The following PDE11A variants were observed in gnomAD, a reference collection of about 807,000 sequenced individuals.
PDE11A encodes the protein dual 3',5'-cyclic-AMP and -GMP phosphodiesterase 11A.
A neutral mutation model predicts 100.5 loss-of-function variants in PDE11A; 100 were observed. The observed-to-expected ratio is 1.00, with a 90% confidence interval of 0.85 to 1.18. The LOEUF (loss-of-function observed/expected upper bound fraction) is 1.18. Among genes scored for constraint, PDE11A ranks in the 50% most tolerant of loss-of-function variants. The pLI is 0.00. For synonymous variants in PDE11A, 381 were observed against 420.8 expected (o/e 0.91, Z 1.16); for missense variants, 1,141 against 1,152.6 (o/e 0.99, Z 0.15).
chr2:177,737,294 A>T (rs565114525), intron 10 of PDE11A, among the ~76,000 whole-genome samples: 33 of 151,384 alleles, frequency 2.2e-4, no homozygotes, highest in African/African-American at 7.3e-4. Flanking sequence ...AAATCACATT[A>T]TTGGCTGGGT....
Position 177,907,542 on chromosome 2 carries a change from G to T in PDE11A, c.1072-2355C>A, listed in dbSNP as rs576993659. ...ACCATTAATCCCAGTTTGCAGATTA[G>T]AAAACTGAGGCTTTAAGAACTTACC... is the stretch of plus-strand genomic sequence containing the variant. On this transcript the variant is annotated intron_variant, in intron 2 of 19. Transcript: ENST00000286063. 5.9e-5 allele frequency among the ~76,000 whole-genome samples: 9 copies of T among 152,298 alleles called. No homozygotes were observed. In the South Asian group the frequency reaches 1.7e-3, roughly 28 times the overall value.
chr2:177,893,463 T>C (rs527627385), intron 4 of PDE11A, among the ~76,000 whole-genome samples: 14 of 152,254 alleles, frequency 9.2e-5, no homozygotes, highest in African/African-American at 2.9e-4. Context: ...AAAGCCCGTT[T>C]TGGAACCTAA....
intron 19 of PDE11A, among the ~76,000 whole-genome samples, chr2:177,648,496 C>T (rs976706489): frequency 5.3e-5 from 8 of 152,030 alleles, no homozygotes; most frequent in African/African-American, 9.7e-5. Context: ...ATTTAACTCT[C>T]GAACATTCAC....
chr2:177,874,383 T>G (rs1484351377), intron 5 of PDE11A, among the ~76,000 whole-genome samples: 1 of 152,238 alleles, frequency 6.6e-6, no homozygotes, highest in Non-Finnish European at 1.5e-5. Flanking sequence ...TATCAATATC[T>G]TCATCATTGT....
At chr2:177,945,437 A>G (rs111614860) in intron 2 of PDE11A, among the ~76,000 whole-genome samples, 20,146 of 116,738 alleles carry the variant, frequency 0.17, 1,633 homozygotes, top group Middle Eastern at 0.28. Context: ...CCGGCCGCCC[A>G]TCGTCTGAGA....
intron 2 of PDE11A, among the ~76,000 whole-genome samples, chr2:178,103,396 C>A (rs2105889880): frequency 6.6e-6 from 1 of 152,102 alleles, no homozygotes; most frequent in Non-Finnish European, 1.5e-5. Flanking sequence ...CTAATGGATG[C>A]AGTTGTTCTG....
At chr2:177,633,991 T>C (rs982756828) in intron 19 of PDE11A, among the ~76,000 whole-genome samples, 2 of 152,254 alleles carry the variant, frequency 1.3e-5, no homozygotes, top group Non-Finnish European at 2.9e-5. Flanking sequence ...ATCAGTTTTC[T>C]TTTATGAAGC....
At chr2:177,986,569 C>T (rs551855589) in intron 2 of PDE11A, among the ~76,000 whole-genome samples, 1 of 152,082 alleles carries the variant, frequency 6.6e-6, no homozygotes, top group Non-Finnish European at 1.5e-5. Flanking sequence ...CAGTGGCTCA[C>T]GCCTGCAATC....
chr2:177,711,356 ACT>A (rs775012082), intron 13 of PDE11A, among the ~76,000 whole-genome samples: 6 of 152,144 alleles, frequency 3.9e-5, no homozygotes, highest in Non-Finnish European at 7.3e-5. Flanking sequence ...CCTGGAAGAG[ACT>A]CTGTTGGAGA....
intron 2 of PDE11A, among the ~76,000 whole-genome samples, chr2:177,920,691 T>C (rs1427832009): frequency 1.3e-5 from 2 of 152,174 alleles, no homozygotes; most frequent in South Asian, 2.1e-4. Flanking sequence ...TATTATTTAT[T>C]ATCACCATTA....
At chr2:177,768,670 AAC>A (rs2082270533) in intron 10 of PDE11A, among the ~76,000 whole-genome samples, 1 of 152,206 alleles carries the variant, frequency 6.6e-6, no homozygotes. Context: ...AGGAATATCT[AAC>A]ACTCATTCAT....
chr2:177,900,373 G>A (rs1015604394), intron 3 of PDE11A, among the ~76,000 whole-genome samples: 1 of 152,210 alleles, frequency 6.6e-6, no homozygotes, highest in Non-Finnish European at 1.5e-5. Flanking sequence ...TCAGGGACAT[G>A]ACTAATTTTC....
intron 6 of PDE11A, among the ~76,000 whole-genome samples, chr2:177,835,981 G>A (rs780439347): frequency 8.5e-5 from 13 of 152,300 alleles, no homozygotes; most frequent in Non-Finnish European, 1.0e-4. Flanking sequence ...TGTGCTGCCC[G>A]AGCCTCCCCG....
intron 2 of PDE11A, among the ~76,000 whole-genome samples, chr2:177,971,168 G>A (rs1390374373): frequency 6.6e-6 from 1 of 152,170 alleles, no homozygotes; most frequent in Non-Finnish European, 1.5e-5. Context: ...CCACTCATTA[G>A]CAAGGCCTTA....
At chr2:177,702,214 C>T (rs572049097) in intron 13 of PDE11A, among the ~76,000 whole-genome samples, 16 of 151,988 alleles carry the variant, frequency 1.1e-4, no homozygotes, top group Admixed American at 1.0e-3. Context: ...ACTTGGGAGT[C>T]TGAGGCAGGA....
chr2:178,050,890 C>G (rs1163114654), intron 1 of PDE11A, among the ~76,000 whole-genome samples: 1 of 152,092 alleles, frequency 6.6e-6, no homozygotes, highest in Admixed American at 6.5e-5. Flanking sequence ...ATTGGTATAC[C>G]TGAAAGTGAC....
At chr2:177,763,125 C>T (rs1436235365) in intron 10 of PDE11A, among the ~76,000 whole-genome samples, 1 of 152,228 alleles carries the variant, frequency 6.6e-6, no homozygotes, top group East Asian at 1.9e-4. Flanking sequence ...CAGTGCAAGC[C>T]GCCCGGCTCG....
chr2:177,776,409 C>T (rs747235572), intron 9 of PDE11A, among the ~76,000 whole-genome samples: 3 of 152,178 alleles, frequency 2.0e-5, no homozygotes, highest in African/African-American at 4.8e-5. Flanking sequence ...ACTGTTTCTC[C>T]TTTCACCCCC....
At chr2:177,925,834 A>G (rs1205385905) in intron 2 of PDE11A, among the ~76,000 whole-genome samples, 4 of 152,244 alleles carry the variant, frequency 2.6e-5, no homozygotes, top group Admixed American at 2.0e-4. Context: ...TTAGGTCAAC[A>G]TGGAAGATCA....
Sources: allele counts gnomAD v4.1 joint callset (sites outside exome capture counted in the v4.1 genomes callset), GRCh38; gene constraint gnomAD v4.1.1; transcripts MANE v1.5; gene names NCBI Gene and HGNC (gene_info 2026-07-23, HGNC 2026-07-21).